Variants in PTPRN2 observed in about 807,000 individuals in gnomAD.
PTPRN2 encodes the protein receptor-type tyrosine-protein phosphatase N2.
PTPRN2 carries 74 observed loss-of-function variants against 118.8 expected under a neutral mutation model. That is an observed-to-expected ratio of 0.62 (90% CI 0.52 to 0.76). The LOEUF (loss-of-function observed/expected upper bound fraction) is 0.76, where lower values mean the gene tolerates loss of function less well. PTPRN2 is among the 30% of genes least tolerant of loss of function. The pLI is 0.00. For synonymous variants in PTPRN2, 641 were observed against 608.0 expected (o/e 1.05, Z -0.80); for missense variants, 1,481 against 1,394.4 (o/e 1.06, Z -0.99).
chr7:158,224,822 C>T (rs1051667586), intron 3 of PTPRN2, among the ~76,000 whole-genome samples: 1 of 152,122 alleles, frequency 6.6e-6, no homozygotes, highest in East Asian at 1.9e-4. Context: ...TGGCAAACCA[C>T]GTATCTGACA....
chr7:158,043,303 T>C (rs1808605163), intron 11 of PTPRN2, among the ~76,000 whole-genome samples: 1 of 152,204 alleles, frequency 6.6e-6, no homozygotes, highest in African/African-American at 2.4e-5. Context: ...CAGAAAAAAG[T>C]GTCACCTTTA....
chr7:158,354,948 T>C (rs1275942316), intron 2 of PTPRN2, among the ~76,000 whole-genome samples: 3 of 152,020 alleles, frequency 2.0e-5, no homozygotes, highest in Non-Finnish European at 4.4e-5. Flanking sequence ...GGAGCTCCAA[T>C]TTGTTTGTCA....
At chr7:157,788,944 C>T (rs551331037) in intron 12 of PTPRN2, among the ~76,000 whole-genome samples, 85 of 152,336 alleles carry the variant, frequency 5.6e-4, no homozygotes, top group African/African-American at 1.9e-3. Context: ...CTCACAGAGG[C>T]GAAACCCACA....
rs1810245901 is a variant in PTPRN2 at position 157,861,590 on chromosome 7, C to A, written c.1788+37083G>T. On this transcript the variant is annotated intron_variant, in intron 12 of 22. Coordinates refer to ENST00000389418, the MANE Select transcript of PTPRN2 (RefSeq NM_002847.5). The surrounding 1 kb of genome is among the most constrained non-coding windows in gnomAD (Gnocchi z 5.8). ...GCCGAGCTGTGTGAGGCTTTTGGGG[C>A]TGCCAGAACAAAGGACTCCAGACGG... Among the ~76,000 whole-genome samples the A allele has an allele frequency of 6.6e-6, 1 of 152,206 alleles. No homozygotes were observed. The highest frequency in any genetic ancestry group is 1.5e-5 in the Non-Finnish European group (1 of 68,032).
chr7:158,031,524 T>C (rs911395002), intron 11 of PTPRN2, among the ~76,000 whole-genome samples: 3 of 152,220 alleles, frequency 2.0e-5, no homozygotes, highest in Non-Finnish European at 2.9e-5. Flanking sequence ...TAGAAAGCCC[T>C]TTAAGCTGCT....
At chr7:158,548,013 T>C (rs1826410600) in intron 1 of PTPRN2, among the ~76,000 whole-genome samples, 1 of 152,206 alleles carries the variant, frequency 6.6e-6, no homozygotes, top group Admixed American at 6.5e-5. Context: ...CCCGGGGCTG[T>C]GCCATCCCTG....
rs1000398640 is a variant in PTPRN2, at chr7:158,565,952, T to G, written c.112+21606A>C. On this transcript the variant is annotated intron_variant, in intron 1 of 22. Transcript: ENST00000389418. This position sits in a 1 kb window ranked among gnomAD's most constrained non-coding sequence, Gnocchi z 4.6. ...TATTTAGGACACCTATATTTTCCTTTGTGTCAGCCATTTCTCTCCCTTTAA... is the reference window on the plus strand; with the variant it reads ...TATTTAGGACACCTATATTTTCCTTGGTGTCAGCCATTTCTCTCCCTTTAA... Among the ~76,000 whole-genome samples, 2 of 152,232 alleles carry G rather than the reference T, an allele frequency of 1.3e-5. No homozygotes were observed. The highest frequency in any genetic ancestry group is 2.9e-5 in the Non-Finnish European group (2 of 68,040).
chr7:158,389,097 T>C (rs1224921683), intron 2 of PTPRN2, among the ~76,000 whole-genome samples: 1 of 152,192 alleles, frequency 6.6e-6, no homozygotes, highest in East Asian at 1.9e-4. Flanking sequence ...TGCCTGGGCC[T>C]CAAAGTCTGC....
intron 1 of PTPRN2, among the ~76,000 whole-genome samples, chr7:158,578,060 C>A (rs373147701): frequency 6.6e-6 from 1 of 152,210 alleles, no homozygotes; most frequent in African/African-American, 2.4e-5. Flanking sequence ...CCGGCAAGCT[C>A]GTTGACAAGA....
rs1243924597 is a variant in PTPRN2, at chr7:157,801,500, A to G, written c.1788+97173T>C. On this transcript the variant is annotated intron_variant, in intron 12 of 22. Transcript: ENST00000389418. The surrounding 1 kb of genome is among the most constrained non-coding windows in gnomAD (Gnocchi z 4.2). Reference sequence around the variant, plus strand: ...TTTTTTAATGTCAAATTCCATATGAAACAGCACAAATCCCCATTTCTGCCC... The same window carrying G: ...TTTTTTAATGTCAAATTCCATATGAGACAGCACAAATCCCCATTTCTGCCC... Among the ~76,000 whole-genome samples, 9 of 152,166 alleles carry G rather than the reference A, an allele frequency of 5.9e-5. No individual in the cohort carries two copies. The highest frequency in any genetic ancestry group is 1.5e-5 in the Non-Finnish European group (1 of 68,038).
chr7:158,186,423 T>C (rs1825144568), intron 5 of PTPRN2, among the ~76,000 whole-genome samples: 1 of 152,178 alleles, frequency 6.6e-6, no homozygotes, highest in Non-Finnish European at 1.5e-5. Flanking sequence ...CTCCTGACAC[T>C]CTGCACCCTA....
intron 12 of PTPRN2, among the ~76,000 whole-genome samples, chr7:157,705,692 G>C (rs1311981659): frequency 6.6e-6 from 1 of 151,866 alleles, no homozygotes; most frequent in Non-Finnish European, 1.5e-5. Context: ...GAGTGAATCT[G>C]ACCCAGGTGC....
chr7:157,724,115 C>G (rs577902925), intron 12 of PTPRN2, among the ~76,000 whole-genome samples: 1 of 152,098 alleles, frequency 6.6e-6, no homozygotes, highest in Non-Finnish European at 1.5e-5. Context: ...TAGGCTTCCC[C>G]CATCTGAATC....
At chr7:158,267,621 C>T (rs1337076143) in intron 3 of PTPRN2, among the ~76,000 whole-genome samples, 1 of 152,168 alleles carries the variant, frequency 6.6e-6, no homozygotes, top group Non-Finnish European at 1.5e-5. Flanking sequence ...GGGGCCTGCC[C>T]CTCGCCCCTG....
chr7:157,725,570 A>G (rs55922023), intron 12 of PTPRN2, among the ~76,000 whole-genome samples: 11 of 118,700 alleles, frequency 9.3e-5, no homozygotes, highest in African/African-American at 3.2e-4. Context: ...CAGAGGAGTG[A>G]GCCAGACCCT....
At chr7:157,708,046 C>T (rs934031953) in intron 12 of PTPRN2, among the ~76,000 whole-genome samples, 1 of 152,252 alleles carries the variant, frequency 6.6e-6, no homozygotes, top group Non-Finnish European at 1.5e-5. Flanking sequence ...TAGCAGTGTG[C>T]ATCTGCCTTG....
intron 11 of PTPRN2, among the ~76,000 whole-genome samples, chr7:157,958,867 T>C (rs1484602113): frequency 2.0e-5 from 3 of 152,170 alleles, no homozygotes; most frequent in Non-Finnish European, 2.9e-5. Flanking sequence ...CTACCAAAAA[T>C]ATTGATATTT....
At chr7:157,613,323 C>G (rs1484736900) in intron 15 of PTPRN2, among the ~76,000 whole-genome samples, 1 of 152,248 alleles carries the variant, frequency 6.6e-6, no homozygotes. Context: ...TTCTCACAGA[C>G]ACAAAACCAA....
At chr7:158,279,775 G>A (rs1039968387) in intron 3 of PTPRN2, among the ~76,000 whole-genome samples, 3 of 152,178 alleles carry the variant, frequency 2.0e-5, no homozygotes, top group Non-Finnish European at 4.4e-5. Context: ...CCCAGAGAGG[G>A]GCCCCCACAG....
Sources: allele counts gnomAD v4.1 joint callset (sites outside exome capture counted in the v4.1 genomes callset), GRCh38; gene constraint gnomAD v4.1.1; non-coding constraint Gnocchi (gnomAD v3.1); transcripts MANE v1.5; gene names NCBI Gene and HGNC (gene_info 2026-07-23, HGNC 2026-07-21).